The following PID1 variants were observed in gnomAD, a reference collection of about 807,000 sequenced individuals.
PID1 encodes the protein PTB-containing, cubilin and LRP1-interacting protein.
Under a neutral mutation model 19.1 loss-of-function variants are expected in PID1, and 10 were observed. The observed-to-expected ratio is 0.52, with a 90% CI of 0.32 to 0.89. The LOEUF (loss-of-function observed/expected upper bound fraction) is 0.89. PID1 is among the 40% of genes least tolerant of loss of function. The pLI is 0.03. For missense variants in PID1, 248 were observed against 285.3 expected (o/e 0.87, Z 0.94); for synonymous variants, 130 against 116.0 (o/e 1.12, Z -0.78).
At chr2:229,144,949 A>G (rs985397074) in intron 2 of PID1, among the ~76,000 whole-genome samples, 1 of 151,774 alleles carries the variant, frequency 6.6e-6, no homozygotes, top group Non-Finnish European at 1.5e-5. Context: ...ATAAGATTAC[A>G]CTCACCGTCT....
chr2:229,161,119 C>T (rs913387231), intron 1 of PID1, among the ~76,000 whole-genome samples: 4 of 152,088 alleles, frequency 2.6e-5, no homozygotes, highest in African/African-American at 9.7e-5. Flanking sequence ...ATGTCCCTGC[C>T]CAAAAGCATT....
chr2:229,240,995 T>C (rs974169024), intron 1 of PID1, among the ~76,000 whole-genome samples: 1 of 152,170 alleles, frequency 6.6e-6, no homozygotes, highest in Non-Finnish European at 1.5e-5. Flanking sequence ...GTCAGGCCCA[T>C]ATTGCAAAAT....
intron 2 of PID1, among the ~76,000 whole-genome samples, chr2:229,099,202 CTT>C (rs1695029838): frequency 2.0e-5 from 3 of 152,248 alleles, no homozygotes. Context: ...AAGGTAAGAA[CTT>C]TTTAAAAATA....
At chr2:229,051,279 C>G (rs890166870) in intron 2 of PID1, among the ~76,000 whole-genome samples, 1 of 151,924 alleles carries the variant, frequency 6.6e-6, no homozygotes, top group African/African-American at 2.4e-5. Context: ...GATAAATATG[C>G]AAAAAAAGCT....
intron 1 of PID1, chr2:229,262,685 T>C (rs1032754242): frequency 1.3e-6 from 2 of 1,551,168 alleles, no homozygotes; most frequent in East Asian, 2.4e-5. Flanking sequence ...TCTCTCACCA[T>C]TTCGGAGGCT....
At chr2:229,027,067 T>C (rs1270325395) in intron 2 of PID1, among the ~76,000 whole-genome samples, 1 of 152,034 alleles carries the variant, frequency 6.6e-6, no homozygotes, top group African/African-American at 2.4e-5. Context: ...CAAATAGAAA[T>C]ACTACGAATG....
At chr2:229,134,782 T>C (rs1381102299) in intron 2 of PID1, among the ~76,000 whole-genome samples, 2 of 152,194 alleles carry the variant, frequency 1.3e-5, no homozygotes, top group Non-Finnish European at 2.9e-5. Context: ...CATGATTTAA[T>C]GACTATATAG....
At chr2:229,069,831 T>G (rs1694416506) in intron 2 of PID1, among the ~76,000 whole-genome samples, 1 of 152,216 alleles carries the variant, frequency 6.6e-6, no homozygotes, top group Non-Finnish European at 1.5e-5. Context: ...ATATTTTCCT[T>G]TAAATGTGTA....
chr2:229,238,579 T>C (rs2106274193), intron 1 of PID1, among the ~76,000 whole-genome samples: 1 of 152,268 alleles, frequency 6.6e-6, no homozygotes, highest in East Asian at 1.9e-4. Flanking sequence ...TTGATCAAGG[T>C]AGCTTTGGCT....
intron 2 of PID1, among the ~76,000 whole-genome samples, chr2:229,065,257 G>T (rs1217995085): frequency 6.6e-6 from 1 of 152,084 alleles, no homozygotes; most frequent in Admixed American, 6.5e-5. Context: ...GCCTTCCTTT[G>T]AGAAATACTG....
In PID1 at chr2:229,046,585, A is replaced by C. The variant is rs1252851574; in HGVS notation, c.178-20477T>G. ...TTTCTTTCAGAAAAAGTAAAAAAAA[A>C]ATTATATAATTTAAGCCCTAGATAA... On this transcript the variant is annotated intron_variant, in intron 2 of 2. Transcript: ENST00000392055. Among the ~76,000 whole-genome samples the C allele has an allele frequency of 2.0e-5, 3 of 152,120 alleles. No homozygotes were observed. The East Asian group carries it at 5.8e-4, about 29-fold the overall frequency.
chr2:229,111,094 A>G (rs1045107205), intron 2 of PID1, among the ~76,000 whole-genome samples: 1 of 152,154 alleles, frequency 6.6e-6, no homozygotes, highest in African/African-American at 2.4e-5. Flanking sequence ...ATCTGCTGCC[A>G]TGGAAGACTT....
At chr2:229,264,952 A>G (rs2106294661) in intron 1 of PID1, among the ~76,000 whole-genome samples, 1 of 152,278 alleles carries the variant, frequency 6.6e-6, no homozygotes, top group Middle Eastern at 3.4e-3. Flanking sequence ...ACCAACCATA[A>G]CAACATTAAG....
rs779258032 is a variant in PID1, at chr2:229,173,147, C to A, written c.31-17183G>T. ...GCATAGATATTTCACCAGCCACTGC[C>A]AATCATTATTTGTTTTCATTCCACC... On this transcript the variant is annotated intron_variant, in intron 1 of 2. Coordinates refer to ENST00000392055, the MANE Select transcript of PID1 (RefSeq NM_001100818.2). 3.3e-5 allele frequency among the ~76,000 whole-genome samples: 5 copies of A among 152,158 alleles called. No individual in the cohort carries two copies. The East Asian group carries it at 9.6e-4, about 29-fold the overall frequency.
rs566826940 is a variant in PID1, at chr2:229,071,540, C to T, written c.178-45432G>A. ...CAAATAGAGGAAACAAAACAGATGG[C>T]GCCCAGCTGGCCAGTCCATGATATC... On this transcript the variant is annotated intron_variant, in intron 2 of 2. Coordinates refer to ENST00000392055, the MANE Select transcript of PID1 (RefSeq NM_001100818.2). 2.3e-4 allele frequency among the ~76,000 whole-genome samples: 35 copies of T among 152,298 alleles called. No individual in the cohort carries two copies. The South Asian group carries it at 7.1e-3, about 31-fold the overall frequency.
At chr2:229,095,154 C>G (rs1017064945) in intron 2 of PID1, among the ~76,000 whole-genome samples, 2 of 152,118 alleles carry the variant, frequency 1.3e-5, no homozygotes, top group Non-Finnish European at 2.9e-5. Flanking sequence ...CACAGAGAGA[C>G]CCCGGTTTCT....
chr2:229,233,379 C>G (rs1692257072), intron 1 of PID1, among the ~76,000 whole-genome samples: 3 of 149,842 alleles, frequency 2.0e-5, no homozygotes, highest in Admixed American at 1.3e-4. Flanking sequence ...CTTAATAGTT[C>G]TAGATGTACA....
chr2:229,118,533 A>C (rs939155813), intron 2 of PID1, among the ~76,000 whole-genome samples: 18 of 152,208 alleles, frequency 1.2e-4, no homozygotes, highest in African/African-American at 3.9e-4. Flanking sequence ...TCTATGAAGG[A>C]AAAAGACAGT....
intron 1 of PID1, among the ~76,000 whole-genome samples, chr2:229,265,662 G>A (rs140793896): frequency 5.8e-4 from 89 of 152,228 alleles, no homozygotes; most frequent in African/African-American, 2.1e-3. Flanking sequence ...GAGTGTTCTG[G>A]ACTAGTTTTA....
Sources: gnomAD v4.1 joint callset for allele counts (sites outside exome capture counted in the v4.1 genomes callset) on GRCh38, gnomAD v4.1.1 for gene constraint, MANE v1.5 for transcripts, NCBI Gene and HGNC (gene_info 2026-07-23, HGNC 2026-07-21) for gene names.